Variants in NEK1 observed in about 807,000 individuals in gnomAD.
The protein encoded by NEK1 is NIMA related kinase 1, also known as serine/threonine-protein kinase Nek1.
In NEK1, 137 loss-of-function variants were observed where a neutral mutation model predicts 182.1. The observed-to-expected ratio is 0.75, with a 90% CI of 0.65 to 0.87. The LOEUF is 0.87. NEK1 is among the 40% of genes least tolerant of loss of function. NEK1 has a pLI of 0.00. For missense variants in NEK1, 1,391 were observed against 1,494.4 expected (o/e 0.93, Z 1.14); for synonymous variants, 513 against 492.2 (o/e 1.04, Z -0.56).
chr4:169,596,293 CA>C (rs767639827), intron 5 of NEK1, among the ~76,000 whole-genome samples: 13 of 152,288 alleles, frequency 8.5e-5, no homozygotes, highest in Non-Finnish European at 1.6e-4. Flanking sequence ...GTTTTCAGAG[CA>C]AACTCAAGTT....
intron 9 of NEK1, among the ~76,000 whole-genome samples, chr4:169,586,330 T>C (rs1767531907): frequency 6.6e-6 from 1 of 152,108 alleles, no homozygotes. Context: ...TTCTACTAAA[T>C]GTTGAGCTCT....
At chr4:169,524,077 T>C (rs1319166318) in intron 19 of NEK1, among the ~76,000 whole-genome samples, 1 of 152,214 alleles carries the variant, frequency 6.6e-6, no homozygotes, top group Non-Finnish European at 1.5e-5. Flanking sequence ...TGCACATGTG[T>C]ACCAGGATAT....
At chr4:169,440,940 C>T (rs1401369186) in intron 27 of NEK1, among the ~76,000 whole-genome samples, 1 of 152,210 alleles carries the variant, frequency 6.6e-6, no homozygotes, top group Non-Finnish European at 1.5e-5. Context: ...TACCAGATAA[C>T]AACCTGCCCC....
At chr4:169,508,544 A>G (rs1201533845) in intron 20 of NEK1, among the ~76,000 whole-genome samples, 3 of 152,226 alleles carry the variant, frequency 2.0e-5, no homozygotes, top group Admixed American at 6.5e-5. Flanking sequence ...TTATAAAATT[A>G]CAAATTTTTA....
chr4:169,444,892 A>G (rs139588298), intron 27 of NEK1, among the ~76,000 whole-genome samples: 1 of 152,198 alleles, frequency 6.6e-6, no homozygotes, highest in African/African-American at 2.4e-5. Context: ...ACTACTTCAT[A>G]TCAAGTACCT....
rs546415691 is a variant in NEK1 at position 169,559,328 on chromosome 4, G to A, written c.1266+2152C>T. On this transcript the variant is annotated intron_variant, in intron 16 of 35. Transcript: ENST00000507142. ...TTGATAAGCTTTCTCTTTCCAATCA[G>A]GTAAGATGTGAGGTTAGTTATTTTA... 5.3e-5 allele frequency among the ~76,000 whole-genome samples: 8 copies of A among 152,264 alleles called. No homozygotes were observed. The East Asian group carries it at 1.5e-3, about 29-fold the overall frequency.
In NEK1 at chr4:169,602,014, AT is replaced by A. The variant is rs759548614; in HGVS notation, c.207del (p.Phe70LeufsTer9). On this transcript the variant is annotated frameshift_variant, in exon 4 of 36. Coordinates refer to ENST00000507142, the MANE Select transcript of NEK1 (RefSeq NM_001199397.3). LOFTEE classifies it high-confidence loss of function. Reference protein sequence around the residue: ...KHPNIVQYRESFEENGSLYIV... With the variant: ...KHPNIVQYREXFEENGSLYIV... ...CTCGCATAATTTATCTGACCTTCAA[AT>A]GATTCTCTATACTGGACAATATTTG... 6.2e-7 allele frequency: 1 copy of A among 1,606,758 alleles called. No individual in the cohort carries two copies. The highest frequency in any genetic ancestry group is 1.1e-5 in the South Asian group (1 of 90,390).
rs56120303 is a variant in NEK1, at chr4:169,466,098, A to G, written c.2435-2703T>C. ...ATAACTGTCATTGTAACTGAATTCCATATGTTCAACAAGCTAGAGAGAAGA... is the reference window on the plus strand; with the variant it reads ...ATAACTGTCATTGTAACTGAATTCCGTATGTTCAACAAGCTAGAGAGAAGA... On this transcript the variant is annotated intron_variant, in intron 26 of 35. Coordinates refer to ENST00000507142, the MANE Select transcript of NEK1 (RefSeq NM_001199397.3). Among the ~76,000 whole-genome samples, 620 of 152,234 alleles carry G rather than the reference A, an allele frequency of 4.1e-3. 5 individuals carry two copies. The highest frequency in any genetic ancestry group is 0.03 in the South Asian group (144 of 4,826).
At chr4:169,587,420 T>A (rs745741248) in intron 9 of NEK1, 139 bp downstream of exon 9, 119 of 490,622 alleles carry the variant, frequency 2.4e-4, no homozygotes, top group Non-Finnish European at 2.4e-4. Flanking sequence ...TCAGAAAAAA[T>A]GAGAAATTCA....
chr4:169,609,812 T>A (rs1056525447), intron 2 of NEK1, among the ~76,000 whole-genome samples: 5 of 152,172 alleles, frequency 3.3e-5, no homozygotes, highest in African/African-American at 1.2e-4. Flanking sequence ...TAATATCTGA[T>A]AGAAATAGTA....
chr4:169,574,745 CTGGCA>C (rs1457433294), intron 12 of NEK1, among the ~76,000 whole-genome samples: 4 of 151,992 alleles, frequency 2.6e-5, no homozygotes, highest in Admixed American at 2.6e-4. Flanking sequence ...CAGGGAGAGT[CTGGCA>C]ATGAGAAGCA....
Position 169,406,689 on chromosome 4 carries a change from A to ACATC in NEK1, c.3277_3280dup (p.Val1094GlyfsTer14), listed in dbSNP as rs1304258439. ...TTGACGAACATCTCCTACGGTGGGA[A>ACATC]CATCCATAAGGGTTCTGAACAGCTT... On this transcript the variant is annotated frameshift_variant, in exon 32 of 36. Transcript: ENST00000507142. LOFTEE classifies it high-confidence loss of function. 6.2e-7 allele frequency: 1 copy of ACATC among 1,610,850 alleles called. No individual in the cohort carries two copies. Among genetic ancestry groups the ACATC allele is most frequent in the Non-Finnish European group, 8.5e-7 (1 of 1,178,282 alleles).
chr4:169,562,580 T>C (rs1215089197), intron 12 of NEK1, among the ~76,000 whole-genome samples: 1 of 152,084 alleles, frequency 6.6e-6, no homozygotes, highest in African/African-American at 2.4e-5. Flanking sequence ...ATTAAAAATT[T>C]AGGGTCTATT....
intron 4 of NEK1, 78 bp from the exon 5 acceptor site, chr4:169,599,275 T>G: frequency 9.1e-7 from 1 of 1,096,250 alleles, no homozygotes; most frequent in Non-Finnish European, 1.3e-6. Flanking sequence ...ACTTAAAAGC[T>G]TACTAAAAAG....
At chr4:169,527,063 G>A (rs866792151) in intron 19 of NEK1, among the ~76,000 whole-genome samples, 9 of 152,080 alleles carry the variant, frequency 5.9e-5, no homozygotes, top group Non-Finnish European at 1.0e-4. Flanking sequence ...TACTGAAAGC[G>A]TCCAGAGGAA....
In NEK1 at chr4:169,426,160, C is replaced by T; in HGVS notation, c.2960G>A (p.Ser987Asn). ...DGVSSTVDQL[S>N]DIHIEPGTND... ...ATGATGCTTACCTATATGAATGTCA[C>T]TAAGTTGGTCCACAGTACTCGAGAC... is the stretch of plus-strand genomic sequence containing the variant. Residue 987 changes from serine (S) to asparagine (N), a missense_variant, in exon 30 of 36, where the codon AGT becomes AAT. This residue lies in a region of NEK1 where 1,216 missense variants were observed against 1,277.6 expected (regional missense o/e 0.95). Coordinates refer to ENST00000507142, the MANE Select transcript of NEK1 (RefSeq NM_001199397.3). The T allele has an allele frequency of 6.2e-7, 1 of 1,613,360 alleles. No homozygotes were observed. Among genetic ancestry groups the T allele is most frequent in the Non-Finnish European group, 8.5e-7 (1 of 1,179,496 alleles).
At chr4:169,547,194 T>C (rs540511306) in intron 18 of NEK1, among the ~76,000 whole-genome samples, 18 of 152,302 alleles carry the variant, frequency 1.2e-4, no homozygotes, top group African/African-American at 4.1e-4. Flanking sequence ...CCCAGCATTT[T>C]CTTTTCTGTA....
At chr4:169,487,181 C>G (rs1749185393) in intron 23 of NEK1, among the ~76,000 whole-genome samples, 1 of 151,884 alleles carries the variant, frequency 6.6e-6, no homozygotes, top group East Asian at 1.9e-4. Flanking sequence ...TTTTAAGTTC[C>G]AGGGTACATG....
At chr4:169,451,315 C>A (rs1239306477) in intron 27 of NEK1, among the ~76,000 whole-genome samples, 1 of 152,174 alleles carries the variant, frequency 6.6e-6, no homozygotes, top group African/African-American at 2.4e-5. Flanking sequence ...CTCTCCACCC[C>A]AAATCAACAG....
Sources: gnomAD v4.1 joint callset for allele counts (sites outside exome capture counted in the v4.1 genomes callset) on GRCh38, gnomAD v4.1.1 for gene constraint, gnomAD v4.1.1 regional missense constraint, MANE v1.5 for transcripts, NCBI Gene and HGNC (gene_info 2026-07-23, HGNC 2026-07-21) for gene names.